The following LAMA2 variants were observed in gnomAD, a reference collection of about 807,000 sequenced individuals.
LAMA2 encodes laminin subunit alpha-2.
In LAMA2, 269 loss-of-function variants were observed where a neutral mutation model predicts 364.8. The ratio of observed to expected loss-of-function variants is 0.74; its 90% CI spans 0.67 to 0.82. The LOEUF (loss-of-function observed/expected upper bound fraction) is 0.82. LAMA2 is among the 40% of genes least tolerant of loss of function. The pLI, the probability that LAMA2 is intolerant of heterozygous loss-of-function variation, is 0.00. For synonymous variants in LAMA2, 1,379 were observed against 1,370.6 expected (o/e 1.01, Z -0.14); for missense variants, 3,807 against 3,873.2 (o/e 0.98, Z 0.45).
At chr6:129,021,895 A>G (rs927771130) in intron 1 of LAMA2, among the ~76,000 whole-genome samples, 1 of 152,216 alleles carries the variant, frequency 6.6e-6, no homozygotes, top group Non-Finnish European at 1.5e-5. Flanking sequence ...CAAAAGAAAA[A>G]GACTCCTCCA....
intron 58 of LAMA2, 71 bp downstream of exon 58, chr6:129,492,554 T>C (rs1784928912): frequency 7.5e-7 from 1 of 1,341,448 alleles, no homozygotes; most frequent in Admixed American, 1.7e-5. Flanking sequence ...AGAAGGAAGA[T>C]TATTCAGGAT....
At chr6:129,475,432 G>T in intron 53 of LAMA2, 31 bp downstream of exon 53, 3 of 1,549,602 alleles carry the variant, frequency 1.9e-6, no homozygotes, top group African/African-American at 1.4e-5. Flanking sequence ...TGCCTTCTTC[G>T]AGTGCATGGG....
Position 128,948,787 on chromosome 6 carries a change from C to G in LAMA2, c.112+65430C>G, listed in dbSNP as rs140475773. On this transcript the variant is annotated intron_variant, in intron 1 of 64. Coordinates refer to ENST00000421865, the MANE Select transcript of LAMA2 (RefSeq NM_000426.4). The stretch of plus-strand genomic sequence containing the variant: ...TGGGATCTCCCCCTGCTCTCTCTTG[C>G]TCCCACTCCCTCCATGTGACATGTG... 2.9e-3 allele frequency among the ~76,000 whole-genome samples: 437 copies of G among 152,210 alleles called. 2 individuals carry two copies. Among genetic ancestry groups the G allele is most frequent in the African/African-American group, 0.01 (420 of 41,540 alleles).
intron 1 of LAMA2, among the ~76,000 whole-genome samples, chr6:128,892,434 G>A (rs998214661): frequency 1.3e-5 from 2 of 151,938 alleles, no homozygotes; most frequent in African/African-American, 4.8e-5. Context: ...GAATCTCATT[G>A]TTGAATATGT....
intron 12 of LAMA2, among the ~76,000 whole-genome samples, chr6:129,206,527 T>A (rs1462598035): frequency 6.6e-6 from 1 of 152,226 alleles, no homozygotes; most frequent in Non-Finnish European, 1.5e-5. Context: ...CTAAAAATTG[T>A]TTGGCATGTT....
chr6:129,306,189 G>A (rs568535332), intron 22 of LAMA2, among the ~76,000 whole-genome samples: 1 of 151,334 alleles, frequency 6.6e-6, no homozygotes, highest in African/African-American at 2.4e-5. Context: ...CAATTTTAAT[G>A]CTTTAAATTC....
intron 50 of LAMA2, among the ~76,000 whole-genome samples, chr6:129,464,678 C>T (rs2114808987): frequency 6.6e-6 from 1 of 152,040 alleles, no homozygotes; most frequent in Middle Eastern, 3.4e-3. Context: ...TTCAATACAA[C>T]TCCCCACATA....
chr6:128,960,113 T>C (rs753080633), intron 1 of LAMA2, among the ~76,000 whole-genome samples: 4 of 152,068 alleles, frequency 2.6e-5, no homozygotes, highest in Non-Finnish European at 4.4e-5. Flanking sequence ...TTTAGGATTT[T>C]ATCTTGACCC....
At chr6:128,976,011 A>G (rs773775350) in intron 1 of LAMA2, among the ~76,000 whole-genome samples, 30 of 152,340 alleles carry the variant, frequency 2.0e-4, no homozygotes, top group Non-Finnish European at 3.2e-4. Flanking sequence ...TCTAACTGCA[A>G]TGTGGAAAAT....
intron 12 of LAMA2, among the ~76,000 whole-genome samples, chr6:129,202,420 T>A (rs138364573): frequency 5.9e-5 from 9 of 152,114 alleles, no homozygotes; most frequent in African/African-American, 2.2e-4. Flanking sequence ...GGGATTAACA[T>A]CCTTACAAAA....
At chr6:129,057,686 G>A (rs563172561) in intron 2 of LAMA2, among the ~76,000 whole-genome samples, 7 of 152,220 alleles carry the variant, frequency 4.6e-5, no homozygotes, top group African/African-American at 9.6e-5. Context: ...GGTCAGTTAC[G>A]TACTAAGTGG....
At chr6:129,139,924 C>T (rs1778021358) in intron 4 of LAMA2, among the ~76,000 whole-genome samples, 1 of 152,048 alleles carries the variant, frequency 6.6e-6, no homozygotes, top group Admixed American at 6.6e-5. Context: ...AGAGAGCATA[C>T]CACACATCAA....
intron 41 of LAMA2, among the ~76,000 whole-genome samples, chr6:129,431,726 G>A (rs1781606627): frequency 6.6e-6 from 1 of 152,120 alleles, no homozygotes; most frequent in Admixed American, 6.6e-5. Flanking sequence ...GACATATGGT[G>A]CTGTCCCACA....
chr6:128,883,217 G>T lies in LAMA2; in HGVS notation c.-29G>T. Reference sequence around the variant, plus strand: ...GGCGGCAGCGACTCCTCTGGCTCCCGAGAAGTGGATCCGGTCGCGGCCACT... The same window carrying T: ...GGCGGCAGCGACTCCTCTGGCTCCCTAGAAGTGGATCCGGTCGCGGCCACT... On this transcript the variant is annotated 5_prime_UTR_variant, in exon 1 of 65. Transcript: ENST00000421865. The T allele has an allele frequency of 6.5e-7, 1 of 1,546,614 alleles. No homozygotes were observed. The highest frequency in any genetic ancestry group is 1.2e-5 in the South Asian group (1 of 84,022).
chr6:129,370,792 A>G (rs1392202892), intron 34 of LAMA2, among the ~76,000 whole-genome samples: 1 of 152,206 alleles, frequency 6.6e-6, no homozygotes, highest in Non-Finnish European at 1.5e-5. Flanking sequence ...TGGCCATACA[A>G]TTTGCTAAAC....
At chr6:129,289,581 A>G (rs1562421218) in intron 19 of LAMA2, among the ~76,000 whole-genome samples, 1 of 152,114 alleles carries the variant, frequency 6.6e-6, no homozygotes. Flanking sequence ...CCCCACCCCC[A>G]TAAAGTTAGG....
At chr6:129,515,888 G>A (rs1346558057) in intron 64 of LAMA2, among the ~76,000 whole-genome samples, 1 of 152,108 alleles carries the variant, frequency 6.6e-6, no homozygotes, top group Non-Finnish European at 1.5e-5. Flanking sequence ...AGGAGTTGGA[G>A]AGCAGCCTGG....
Position 129,316,144 on chromosome 6 carries a change from C to T in LAMA2, c.4031C>T (p.Thr1344Ile). Reference sequence around the variant, plus strand: ...ATTCATTACATTCTTATCAAAGCTACTTATGGAAATTTCATGCGACAAAGC... The same window carrying T: ...ATTCATTACATTCTTATCAAAGCTATTTATGGAAATTTCATGCGACAAAGC... ...YDIHYILIKA[T>I]YGNFMRQSRI... The change falls in exon 27 of 65, where the codon ACT (threonine) becomes ATT (isoleucine). Residue 1344 changes from threonine (T) to isoleucine (I), a missense_variant. This residue lies in a region of LAMA2 where 3,333 missense variants were observed against 3,345.7 expected (regional missense o/e 1.00). Coordinates refer to ENST00000421865, the MANE Select transcript of LAMA2 (RefSeq NM_000426.4). 6.2e-7 allele frequency: 1 copy of T among 1,608,578 alleles called. No individual in the cohort carries two copies.
At chr6:129,191,155 T>C (rs1239766760) in intron 11 of LAMA2, among the ~76,000 whole-genome samples, 1 of 152,196 alleles carries the variant, frequency 6.6e-6, no homozygotes, top group African/African-American at 2.4e-5. Flanking sequence ...GAATTTGAGA[T>C]ATTTTACTTG....
Sources: gnomAD v4.1 joint callset for allele counts (sites outside exome capture counted in the v4.1 genomes callset) on GRCh38, gnomAD v4.1.1 for gene constraint, gnomAD v4.1.1 regional missense constraint, MANE v1.5 for transcripts, NCBI Gene and HGNC (gene_info 2026-07-23, HGNC 2026-07-21) for gene names.